The following FGGY variants were observed in gnomAD, a reference collection of about 807,000 sequenced individuals.
FGGY encodes the protein FGGY carbohydrate kinase domain containing, also known as FGGY carbohydrate kinase domain-containing protein.
In FGGY, 72 loss-of-function variants were observed where a neutral mutation model predicts 71.3. The ratio of observed to expected loss-of-function variants is 1.01; its 90% CI spans 0.84 to 1.23. The LOEUF is 1.23. Among genes scored for constraint, FGGY ranks in the 50% most tolerant of loss-of-function variants. The probability of loss-of-function intolerance (pLI) is 0.00; values close to 1 mark genes in which losing one functional copy is unlikely to be tolerated. For missense variants in FGGY, 668 were observed against 682.3 expected, an observed-to-expected ratio of 0.98 and a Z score of 0.23; for synonymous variants, 251 against 250.3, an observed-to-expected ratio of 1.00 and a Z score of -0.02.
Position 59,442,135 on chromosome 1 carries a change from G to A in FGGY, c.555-14826G>A, listed in dbSNP as rs184268910. On this transcript the variant is annotated intron_variant, in intron 5 of 15. Coordinates refer to ENST00000303721, the MANE Select transcript of FGGY (RefSeq NM_018291.5). ...AGTTTGTATAGTTGTGAAAGGTATG[G>A]ACTCTGCAGCTAATTGTTTGGGTTC... is the stretch of plus-strand genomic sequence containing the variant. 9.1e-4 allele frequency among the ~76,000 whole-genome samples: 138 copies of A among 152,276 alleles called. 2 individuals carry two copies. The highest frequency in any genetic ancestry group is 2.9e-5 in the Non-Finnish European group (2 of 68,014).
intron 5 of FGGY, among the ~76,000 whole-genome samples, chr1:59,420,705 C>G (rs530782468): frequency 3.7e-4 from 56 of 152,180 alleles, no homozygotes; most frequent in African/African-American, 1.3e-3. Context: ...GAAATGTACT[C>G]CATATGTTTC....
chr1:59,302,848 A>C (rs2042972657), intron 1 of FGGY, among the ~76,000 whole-genome samples: 1 of 152,148 alleles, frequency 6.6e-6, no homozygotes, highest in Non-Finnish European at 1.5e-5. Context: ...TTCCAAAAAA[A>C]ACCCCAAAAA....
intron 5 of FGGY, among the ~76,000 whole-genome samples, chr1:59,397,717 AG>A (rs1169638147): frequency 3.9e-5 from 6 of 152,214 alleles, no homozygotes; most frequent in Admixed American, 2.6e-4. Flanking sequence ...GCCCCATAAA[AG>A]GGCGGGGCAG....
intron 6 of FGGY, among the ~76,000 whole-genome samples, chr1:59,492,660 ATCTAGATGCCT>A (rs2093903848): frequency 6.6e-6 from 1 of 151,980 alleles, no homozygotes. Context: ...GGTATCCACT[ATCTAGATGCCT>A]TCTGTTTTTC....
At chr1:59,669,382 C>T (rs1018176454) in intron 13 of FGGY, among the ~76,000 whole-genome samples, 2 of 151,926 alleles carry the variant, frequency 1.3e-5, no homozygotes, top group African/African-American at 2.4e-5. Context: ...AGAAGTGGGC[C>T]GTTCAAAGCA....
intron 7 of FGGY, among the ~76,000 whole-genome samples, chr1:59,533,550 G>A (rs2095222972): frequency 6.8e-6 from 1 of 146,182 alleles, no homozygotes; most frequent in Non-Finnish European, 1.5e-5. Flanking sequence ...TGGGGGCAGG[G>A]AACAGACAAA....
At chr1:59,386,989 G>A (rs1241317251) in intron 5 of FGGY, among the ~76,000 whole-genome samples, 1 of 151,812 alleles carries the variant, frequency 6.6e-6, no homozygotes, top group Non-Finnish European at 1.5e-5. Context: ...TTCCTTTAAA[G>A]AGATGAATTC....
chr1:59,678,646 A>C (rs1460968728), intron 14 of FGGY, among the ~76,000 whole-genome samples: 1 of 152,236 alleles, frequency 6.6e-6, no homozygotes, highest in East Asian at 1.9e-4. Flanking sequence ...GGCCCCCTGC[A>C]GATGTCATTA....
At chr1:59,738,438 C>T (rs1336617667) in intron 14 of FGGY, among the ~76,000 whole-genome samples, 3 of 152,162 alleles carry the variant, frequency 2.0e-5, no homozygotes, top group African/African-American at 4.8e-5. Context: ...GTAAAGAAAG[C>T]TTTTGGTGTT....
At chr1:59,463,969 TAAC>T (rs1053192463) in intron 6 of FGGY, among the ~76,000 whole-genome samples, 2 of 152,144 alleles carry the variant, frequency 1.3e-5, no homozygotes, top group African/African-American at 4.8e-5. Context: ...GACAGAAGCT[TAAC>T]AAGGATACCC....
chr1:59,524,660 A>G (rs2094927962), intron 7 of FGGY, among the ~76,000 whole-genome samples: 1 of 152,202 alleles, frequency 6.6e-6, no homozygotes, highest in South Asian at 2.1e-4. Flanking sequence ...ACCTGCCTGC[A>G]GAAAGGAGCT....
intron 8 of FGGY, among the ~76,000 whole-genome samples, chr1:59,607,369 A>G (rs35171990): frequency 0.11 from 16,257 of 152,198 alleles, 995 homozygotes; most frequent in South Asian, 0.29. Flanking sequence ...TGGAAAACTG[A>G]CCCAGTGTCA....
At chr1:59,736,953 G>A (rs182016240) in intron 14 of FGGY, among the ~76,000 whole-genome samples, 6 of 152,340 alleles carry the variant, frequency 3.9e-5, no homozygotes, top group Non-Finnish European at 8.8e-5. Context: ...TTTGTAGGCA[G>A]GGCCCAGGGT....
chr1:59,684,224 G>A (rs983857790), intron 14 of FGGY, among the ~76,000 whole-genome samples: 1 of 152,224 alleles, frequency 6.6e-6, no homozygotes, highest in African/African-American at 2.4e-5. Flanking sequence ...AGTCTAAGGT[G>A]TAATGGCAAA....
At position 59,721,337 on chromosome 1, in the gene FGGY, G is replaced by GTTTTTTTTT. The variant is rs71046339; in HGVS notation, c.1513-36583_1513-36575dup. Among the ~76,000 whole-genome samples, 309 of 105,326 alleles carry GTTTTTTTTT rather than the reference G, an allele frequency of 2.9e-3. 44 individuals are homozygous for GTTTTTTTTT. Among genetic ancestry groups the GTTTTTTTTT allele is most frequent in the African/African-American group, 0.012 (282 of 23,984 alleles). The allele number at this position is 105,326 out of a possible 152,430, so 69.1% of individuals were successfully genotyped here. On this transcript the variant is annotated intron_variant, in intron 14 of 15. Coordinates refer to ENST00000303721, the MANE Select transcript of FGGY (RefSeq NM_018291.5). Reference sequence around the variant, plus strand: ...AGAGAGTTTTTCTTTTCTTTCCTTTGTTTTTTTTTTTTTTTTTTTGAGACG... The same window carrying GTTTTTTTTT: ...AGAGAGTTTTTCTTTTCTTTCCTTTGTTTTTTTTTTTTTTTTTTTTTTTTTTTTGAGACG...
chr1:59,359,484 G>C (rs868576726), intron 4 of FGGY, among the ~76,000 whole-genome samples: 3 of 152,254 alleles, frequency 2.0e-5, no homozygotes, highest in African/African-American at 7.2e-5. Flanking sequence ...CTCTCCAAGA[G>C]CTGACTTTGT....
At chr1:59,462,618 A>C (rs1310631302) in intron 6 of FGGY, among the ~76,000 whole-genome samples, 1 of 152,226 alleles carries the variant, frequency 6.6e-6, no homozygotes, top group Non-Finnish European at 1.5e-5. Context: ...CAAGGAAAAA[A>C]CAAACAACCC....
intron 5 of FGGY, among the ~76,000 whole-genome samples, chr1:59,397,688 G>A (rs1463563508): frequency 1.3e-5 from 2 of 152,112 alleles, no homozygotes; most frequent in Non-Finnish European, 2.9e-5. Context: ...TTTTCACCAA[G>A]ATTTTAATGG....
intron 6 of FGGY, among the ~76,000 whole-genome samples, chr1:59,458,717 C>A (rs1483299268): frequency 6.6e-6 from 1 of 152,168 alleles, no homozygotes; most frequent in African/African-American, 2.4e-5. Flanking sequence ...GGAGACATAT[C>A]ATTAAGCAGA....
Sources: allele counts gnomAD v4.1 joint callset (sites outside exome capture counted in the v4.1 genomes callset), GRCh38; gene constraint gnomAD v4.1.1; transcripts MANE v1.5; gene names NCBI Gene and HGNC (gene_info 2026-07-23, HGNC 2026-07-21).